The following ASIC2 variants were observed in gnomAD, a reference collection of about 807,000 sequenced individuals.
ASIC2 encodes the protein acid-sensing ion channel 2.
In ASIC2, 25 loss-of-function variants were observed where a neutral mutation model predicts 57.3. That is an observed-to-expected ratio of 0.44 (90% confidence interval 0.32 to 0.61). ASIC2 has a LOEUF of 0.61. ASIC2 is among the 20% of genes least tolerant of loss of function. ASIC2 has a pLI of 0.06. For synonymous variants in ASIC2, 319 were observed against 307.5 expected (o/e 1.04, Z -0.39); for missense variants, 641 against 738.1 (o/e 0.87, Z 1.52).
chr17:34,026,111 T>A (rs190481761), intron 1 of ASIC2, among the ~76,000 whole-genome samples: 445 of 152,354 alleles, frequency 2.9e-3, no homozygotes, highest in Non-Finnish European at 5.1e-3. Context: ...AACTGCTTGA[T>A]GCTACGGTTG....
At chr17:33,725,739 T>A (rs1344938255) in intron 1 of ASIC2, among the ~76,000 whole-genome samples, 1 of 139,040 alleles carries the variant, frequency 7.2e-6, no homozygotes, top group Non-Finnish European at 1.6e-5. Flanking sequence ...CCCCTTTTTT[T>A]ATGCTTTTGC....
chr17:33,071,597 A>G (rs988139788), intron 3 of ASIC2, among the ~76,000 whole-genome samples: 2 of 152,206 alleles, frequency 1.3e-5, no homozygotes, highest in South Asian at 4.1e-4. Context: ...TTGCATGCCA[A>G]TCATGGATGC....
intron 1 of ASIC2, among the ~76,000 whole-genome samples, chr17:33,557,052 A>G (rs961789488): frequency 1.2e-4 from 19 of 152,162 alleles, no homozygotes; most frequent in African/African-American, 3.9e-4. Context: ...TCATCATCAC[A>G]TTAGCTAGTA....
intron 1 of ASIC2, among the ~76,000 whole-genome samples, chr17:33,944,394 A>G (rs895452247): frequency 2.0e-5 from 3 of 152,214 alleles, no homozygotes; most frequent in Admixed American, 2.0e-4. Flanking sequence ...TAGCCTCAGG[A>G]AGGAGCCTTG....
At chr17:33,103,063 C>T (rs373395403) in intron 2 of ASIC2, among the ~76,000 whole-genome samples, 15 of 152,150 alleles carry the variant, frequency 9.9e-5, no homozygotes, top group Non-Finnish European at 1.5e-4. Context: ...TATTACAGGC[C>T]TGAGCCACAG....
intron 1 of ASIC2, among the ~76,000 whole-genome samples, chr17:33,743,172 AACT>A (rs1212295052): frequency 6.6e-6 from 1 of 152,258 alleles, no homozygotes; most frequent in Non-Finnish European, 1.5e-5. Flanking sequence ...ACACTGGTGA[AACT>A]ACTTTTAAAA....
chr17:33,279,184 GTGA>G (rs1412448552), intron 1 of ASIC2, among the ~76,000 whole-genome samples: 2 of 152,192 alleles, frequency 1.3e-5, no homozygotes, highest in Non-Finnish European at 2.9e-5. Flanking sequence ...AGGGTGAAGA[GTGA>G]GAAGCAGGGC....
At chr17:33,481,156 T>G (rs562818661) in intron 1 of ASIC2, among the ~76,000 whole-genome samples, 9 of 152,348 alleles carry the variant, frequency 5.9e-5, no homozygotes, top group Non-Finnish European at 1.0e-4. Flanking sequence ...CCTGAGTTGC[T>G]GAGGGTAAAT....
At chr17:33,704,448 G>A (rs1908802875) in intron 1 of ASIC2, among the ~76,000 whole-genome samples, 1 of 152,184 alleles carries the variant, frequency 6.6e-6, no homozygotes. Context: ...AGTCTTTGCT[G>A]TCTCATCCTT....
chr17:33,704,321 G>A (rs975392605), intron 1 of ASIC2, among the ~76,000 whole-genome samples: 1 of 152,156 alleles, frequency 6.6e-6, no homozygotes, highest in Non-Finnish European at 1.5e-5. Context: ...AGCATGTATA[G>A]CTACTGCACG....
chr17:34,030,679 G>A (rs572682357), intron 1 of ASIC2, among the ~76,000 whole-genome samples: 1 of 152,198 alleles, frequency 6.6e-6, no homozygotes, highest in Non-Finnish European at 1.5e-5. Flanking sequence ...TTTCCAATGG[G>A]CTTAAACAAC....
chr17:33,989,384 C>A (rs1378822196), intron 1 of ASIC2, among the ~76,000 whole-genome samples: 1 of 152,000 alleles, frequency 6.6e-6, no homozygotes, highest in South Asian at 2.1e-4. Flanking sequence ...GAGGTGCTTA[C>A]ACAACAGAGG....
At chr17:34,090,596 G>A (rs1484738782) in intron 1 of ASIC2, among the ~76,000 whole-genome samples, 3 of 152,284 alleles carry the variant, frequency 2.0e-5, no homozygotes, top group Non-Finnish European at 4.4e-5. Flanking sequence ...TACCTTGGAG[G>A]AATTAGCATT....
chr17:33,353,967 C>T (rs1055877185), intron 1 of ASIC2, among the ~76,000 whole-genome samples: 5 of 152,180 alleles, frequency 3.3e-5, no homozygotes, highest in African/African-American at 1.2e-4. Context: ...AATGGACTCA[C>T]AGTTCCACAT....
At chr17:33,822,709 G>A (rs1010442108) in intron 1 of ASIC2, among the ~76,000 whole-genome samples, 1 of 152,210 alleles carries the variant, frequency 6.6e-6, no homozygotes, top group Non-Finnish European at 1.5e-5. Context: ...CAGAGGTAAT[G>A]TTTGGGTGGG....
intron 1 of ASIC2, among the ~76,000 whole-genome samples, chr17:33,688,596 A>G (rs1302567087): frequency 6.6e-6 from 1 of 152,192 alleles, no homozygotes; most frequent in Non-Finnish European, 1.5e-5. Flanking sequence ...ATTATGTAAA[A>G]TTACTTACCT....
At chr17:33,762,666 C>A (rs1910821389) in intron 1 of ASIC2, among the ~76,000 whole-genome samples, 1 of 152,208 alleles carries the variant, frequency 6.6e-6, no homozygotes, top group Non-Finnish European at 1.5e-5. Flanking sequence ...CGTTGCACAG[C>A]AATGGATACA....
chr17:33,772,422 T>C (rs1911140445), intron 1 of ASIC2, among the ~76,000 whole-genome samples: 1 of 152,212 alleles, frequency 6.6e-6, no homozygotes, highest in Non-Finnish European at 1.5e-5. Flanking sequence ...ATTTTCCCTG[T>C]ATGTTTGGGT....
At chr17:33,455,011 A>G (rs9303663) in intron 1 of ASIC2, among the ~76,000 whole-genome samples, 28,893 of 152,228 alleles carry the variant, frequency 0.19, 3,024 homozygotes, top group Middle Eastern at 0.25. Context: ...CATTCAAACA[A>G]TAGCAGCGAT....
Sources: gnomAD v4.1 joint callset for allele counts (sites outside exome capture counted in the v4.1 genomes callset) on GRCh38, gnomAD v4.1.1 for gene constraint, MANE v1.5 for transcripts, NCBI Gene and HGNC (gene_info 2026-07-23, HGNC 2026-07-21) for gene names.